Variants in CLASP1 observed in about 807,000 individuals in gnomAD.
The protein encoded by CLASP1 is cytoplasmic linker associated protein 1.
CLASP1 carries 38 observed loss-of-function variants against 192.3 expected under a neutral mutation model. That is an observed-to-expected ratio of 0.20 (90% CI 0.15 to 0.26). The LOEUF is 0.26. CLASP1 is among the 10% of genes least tolerant of loss of function. CLASP1 has a pLI of 1.00. For missense variants in CLASP1, 1,433 were observed against 1,932.5 expected, an observed-to-expected ratio of 0.74 and a Z score of 4.85; for synonymous variants, 691 against 712.8, an observed-to-expected ratio of 0.97 and a Z score of 0.49.
chr2:121,409,047 G>T, intron 24 of CLASP1: 1 of 1,566,238 alleles, frequency 6.4e-7, no homozygotes, highest in Non-Finnish European at 8.7e-7. Flanking sequence ...TCTCCTAACA[G>T]CTGTAGGCAG....
At chr2:121,469,822 C>T (rs2090346628) in exon 9 of CLASP1, 1 of 1,612,718 alleles carries the variant, frequency 6.2e-7, no homozygotes, top group Non-Finnish European at 8.5e-7. Context: ...AGACTTGGAT[C>T]CAAGGGTGGA....
chr2:121,612,107 TGGA>T (rs1169069127), intron 1 of CLASP1, among the ~76,000 whole-genome samples: 7 of 57,670 alleles, frequency 1.2e-4, no homozygotes, highest in African/African-American at 2.2e-4. Context: ...AAAGAGGAAC[TGGA>T]GGAGGAGGAG....
intron 14 of CLASP1, among the ~76,000 whole-genome samples, chr2:121,457,458 TAC>T (rs112547655): frequency 0.022 from 3,118 of 142,836 alleles, 49 homozygotes; most frequent in African/African-American, 0.047. Flanking sequence ...CACACAGACA[TAC>T]ACACACACAC....
Position 121,530,932 on chromosome 2 carries a change from C to T in CLASP1, c.196-607G>A, listed in dbSNP as rs180755563. 1.2e-4 allele frequency: 85 copies of T among 700,266 alleles called. No individual in the cohort carries two copies. Among genetic ancestry groups the T allele is most frequent in the Admixed American group, 4.8e-4 (24 of 49,992 alleles). 43.4% of individuals were successfully genotyped at this position (700,266 alleles called of 1,614,324 possible). The stretch of plus-strand genomic sequence containing the variant: ...CTGTCCAATGAGCGCATAGTGAGGG[C>T]AGTACTGCTAACGCCTGAACAACAC... On this transcript the variant is annotated intron_variant, in intron 2 of 39. Coordinates refer to ENST00000263710, the Ensembl canonical transcript of CLASP1.
rs143265317 is a variant in CLASP1 at position 121,349,694 on chromosome 2, C to T, written c.4207-976G>A. Among the ~76,000 whole-genome samples the T allele has an allele frequency of 1.1e-4, 16 of 152,334 alleles. 1 individual carries two copies. In the East Asian group the frequency reaches 3.1e-3, roughly 29 times the overall value. ...AAAGTTGCTTTTCTAGGACTCTGTGCTCACGATGACCCCTTTGCCTTCCAT... is the reference window on the plus strand; with the variant it reads ...AAAGTTGCTTTTCTAGGACTCTGTGTTCACGATGACCCCTTTGCCTTCCAT... On this transcript the variant is annotated intron_variant, in intron 37 of 39. Transcript: ENST00000263710.
chr2:121,426,256 G>A (rs929028726), intron 21 of CLASP1, among the ~76,000 whole-genome samples: 3 of 151,884 alleles, frequency 2.0e-5, no homozygotes, highest in African/African-American at 7.3e-5. Context: ...AAAACAAATA[G>A]AATAAAACAC....
intron 2 of CLASP1, among the ~76,000 whole-genome samples, chr2:121,548,188 C>A (rs1038407941): frequency 7.2e-5 from 11 of 152,070 alleles, no homozygotes; most frequent in Non-Finnish European, 1.5e-4. Context: ...GATACAGGAG[C>A]TGAAGGACAA....
intron 37 of CLASP1, among the ~76,000 whole-genome samples, chr2:121,349,235 G>A (rs1363836583): frequency 1.3e-5 from 2 of 150,922 alleles, no homozygotes; most frequent in East Asian, 3.9e-4. Flanking sequence ...GCAAGACTCT[G>A]TCTCAAAAAA....
At chr2:121,578,515 G>A (rs2060785580) in intron 2 of CLASP1, among the ~76,000 whole-genome samples, 1 of 150,726 alleles carries the variant, frequency 6.6e-6, no homozygotes, top group Non-Finnish European at 1.5e-5. Flanking sequence ...GGATCACAAG[G>A]TCAGGAGATC....
At chr2:121,546,872 G>A (rs535957108) in intron 2 of CLASP1, among the ~76,000 whole-genome samples, 29 of 152,278 alleles carry the variant, frequency 1.9e-4, no homozygotes, top group African/African-American at 6.7e-4. Flanking sequence ...GCAGGTCCCT[G>A]ATCCCATTCC....
chr2:121,621,988 C>T (rs1057250093), intron 1 of CLASP1, among the ~76,000 whole-genome samples: 4 of 151,804 alleles, frequency 2.6e-5, no homozygotes, highest in African/African-American at 9.7e-5. Context: ...GCTGGGATTA[C>T]AGGCGTGCAC....
chr2:121,416,024 T>TA (rs1193094002), intron 23 of CLASP1, among the ~76,000 whole-genome samples: 1 of 152,236 alleles, frequency 6.6e-6, no homozygotes, highest in Non-Finnish European at 1.5e-5. Context: ...AGGAAGTTGG[T>TA]AAAATATCTT....
chr2:121,595,107 T>C (rs2062975209), intron 2 of CLASP1, among the ~76,000 whole-genome samples: 1 of 152,206 alleles, frequency 6.6e-6, no homozygotes, highest in Non-Finnish European at 1.5e-5. Flanking sequence ...ACCCTTTTCT[T>C]TTATGCTCCA....
chr2:121,397,712 T>C (rs2075524246), intron 29 of CLASP1, among the ~76,000 whole-genome samples: 3 of 152,308 alleles, frequency 2.0e-5, no homozygotes, highest in South Asian at 4.1e-4. Flanking sequence ...CTGTCCTAAC[T>C]TCACCATCAA....
At chr2:121,548,076 A>T (rs1331858969) in intron 2 of CLASP1, among the ~76,000 whole-genome samples, 1 of 152,230 alleles carries the variant, frequency 6.6e-6, no homozygotes, top group East Asian at 1.9e-4. Flanking sequence ...GAGCTGGCTG[A>T]ATGACAAAAA....
chr2:121,648,234 G>T (rs2073541161), intron 1 of CLASP1, among the ~76,000 whole-genome samples: 1 of 152,140 alleles, frequency 6.6e-6, no homozygotes, highest in African/African-American at 2.4e-5. Flanking sequence ...TGCCAGAATT[G>T]AAAACGGACT....
At chr2:121,426,056 G>C (rs749146765) in intron 21 of CLASP1, among the ~76,000 whole-genome samples, 1 of 151,830 alleles carries the variant, frequency 6.6e-6, no homozygotes, top group Non-Finnish European at 1.5e-5. Flanking sequence ...GAGGTGGGAG[G>C]ATCACTTGAG....
chr2:121,401,609 C>T (rs2076160245), exon 28 of CLASP1: 1 of 1,612,132 alleles, frequency 6.2e-7, no homozygotes. Context: ...AAAAGCCAGT[C>T]TTGTAAATCA....
intron 14 of CLASP1, among the ~76,000 whole-genome samples, chr2:121,453,662 T>A (rs1424814582): frequency 2.0e-5 from 3 of 152,364 alleles, no homozygotes; most frequent in South Asian, 4.1e-4. Flanking sequence ...TTACTGCACT[T>A]ATTCCTACTC....
Sources: gnomAD v4.1 joint callset for allele counts (sites outside exome capture counted in the v4.1 genomes callset) on GRCh38, gnomAD v4.1.1 for gene constraint, MANE v1.5 for transcripts, NCBI Gene and HGNC (gene_info 2026-07-23, HGNC 2026-07-21) for gene names.